The following DZIP1 variants were observed in gnomAD, a reference collection of about 807,000 sequenced individuals.
DZIP1 encodes DAZ interacting zinc finger protein 1.
In DZIP1, 97 loss-of-function variants were observed where a neutral mutation model predicts 107.6. The ratio of observed to expected loss-of-function variants is 0.90; its 90% CI spans 0.77 to 1.07. DZIP1 has a LOEUF of 1.07. Among genes scored for constraint, DZIP1 ranks in the 50% least tolerant of loss-of-function variants. The pLI, the probability that DZIP1 is intolerant of heterozygous loss-of-function variation, is 0.00. For synonymous variants in DZIP1, 390 were observed against 386.4 expected (o/e 1.01, Z -0.11); for missense variants, 1,035 against 1,063.6 (o/e 0.97, Z 0.37).
At chr13:95,627,929 A>G (rs1344236658) in intron 7 of DZIP1, among the ~76,000 whole-genome samples, 2 of 152,202 alleles carry the variant, frequency 1.3e-5, no homozygotes, top group African/African-American at 2.4e-5. Context: ...GTCTATGCAT[A>G]CCTACATACA....
intron 12 of DZIP1, among the ~76,000 whole-genome samples, chr13:95,610,009 T>A (rs2139095233): frequency 6.6e-6 from 1 of 152,050 alleles, no homozygotes; most frequent in African/African-American, 2.4e-5. Flanking sequence ...GTCTCTTTTT[T>A]TATTTCTTTT....
chr13:95,637,616 CT>C (rs1877965783), intron 5 of DZIP1, among the ~76,000 whole-genome samples: 3 of 113,584 alleles, frequency 2.6e-5, no homozygotes, highest in African/African-American at 1.1e-4. Flanking sequence ...CTCTCTCTCT[CT>C]CTCTCTCTCT....
rs758261012 is a variant in DZIP1, at chr13:95,586,145, T to A, written c.2219-9A>T. 7 of 1,580,230 alleles carry A rather than the reference T, an allele frequency of 4.4e-6. No homozygotes were observed. Among genetic ancestry groups the A allele is most frequent in the Non-Finnish European group, 6.0e-6 (7 of 1,169,408 alleles). On this transcript the variant is annotated splice_polypyrimidine_tract_variant and intron_variant, in intron 20 of 22. Transcript: ENST00000376829. ...TGTTTTAACGGCGACTCCTATAAGATCAATAAAAATTAGGCAAGTTAAGTA... is the reference window on the plus strand; with the variant it reads ...TGTTTTAACGGCGACTCCTATAAGAACAATAAAAATTAGGCAAGTTAAGTA...
At chr13:95,627,819 T>A (rs914372343) in intron 7 of DZIP1, among the ~76,000 whole-genome samples, 2 of 152,182 alleles carry the variant, frequency 1.3e-5, no homozygotes, top group African/African-American at 4.8e-5. Context: ...TATGTCCACA[T>A]AGAAACTGCC....
At chr13:95,617,206 CA>C (rs112542338) in intron 10 of DZIP1, among the ~76,000 whole-genome samples, 9 of 146,668 alleles carry the variant, frequency 6.1e-5, no homozygotes, top group Admixed American at 2.0e-4. Context: ...TGTCTCACCC[CA>C]AAAAAAAAAG....
intron 15 of DZIP1, among the ~76,000 whole-genome samples, chr13:95,595,924 C>T (rs948712905): frequency 6.6e-6 from 1 of 152,144 alleles, no homozygotes; most frequent in African/African-American, 2.4e-5. Context: ...AATTCATTTG[C>T]TGATGTGTCT....
intron 19 of DZIP1, among the ~76,000 whole-genome samples, 195 bp downstream of exon 19, chr13:95,588,959 G>A (rs2044238051): frequency 6.6e-6 from 1 of 152,120 alleles, no homozygotes; most frequent in African/African-American, 2.4e-5. Flanking sequence ...ATGTGGTTAA[G>A]GGCTATTGAC....
At chr13:95,610,577 G>T (rs1231821476) in intron 12 of DZIP1, among the ~76,000 whole-genome samples, 1 of 152,066 alleles carries the variant, frequency 6.6e-6, no homozygotes, top group African/African-American at 2.4e-5. Context: ...CAAAATGCGG[G>T]CATTACAAAT....
chr13:95,642,122 C>G lies in DZIP1; in HGVS notation c.-93G>C. 2 of 1,414,944 alleles carry G rather than the reference C, an allele frequency of 1.4e-6. No homozygotes were observed. The highest frequency in any genetic ancestry group is 2.6e-4 in the Middle Eastern group (1 of 3,778). The allele number at this position is 1,414,944 out of a possible 1,614,324, so 87.6% of individuals were successfully genotyped here. A position where few individuals can be genotyped will look rare whatever the true frequency, so the allele number is the denominator to read the frequency against. ...GAGCGGGAGAAGGCCGGGTTCCTCG[C>G]TTCCGCGGCGGCGGCGGCCTAAGGT... is the stretch of plus-strand genomic sequence containing the variant. On this transcript the variant is annotated 5_prime_UTR_variant, in exon 4 of 23. Transcript: ENST00000376829.
chr13:95,620,850 C>T (rs1420294630), intron 9 of DZIP1, among the ~76,000 whole-genome samples: 1 of 152,176 alleles, frequency 6.6e-6, no homozygotes, highest in Non-Finnish European at 1.5e-5. Flanking sequence ...AGAGCCACAT[C>T]CTTCAGTTCA....
chr13:95,585,946 C>T (rs1002947317), intron 21 of DZIP1, 60 bp downstream of exon 21: 2 of 1,506,302 alleles, frequency 1.3e-6, no homozygotes, highest in South Asian at 1.3e-5. Context: ...AAAAGTGTGA[C>T]CATTAAGGTG....
chr13:95,620,788 C>T (rs1310620935), intron 9 of DZIP1, among the ~76,000 whole-genome samples: 2 of 152,202 alleles, frequency 1.3e-5, no homozygotes, highest in Non-Finnish European at 2.9e-5. Flanking sequence ...GAACTGACAA[C>T]ACAACTCACA....
rs1450644688 is a variant in DZIP1, at chr13:95,641,772, C to A, written c.120G>T (p.Ala40=). ...TGGGGGGCGCACAGGCCATGGAGGCCGCACCCGCGGCGGCGGCGGCCACAG... is the reference window on the plus strand; with the variant it reads ...TGGGGGGCGCACAGGCCATGGAGGCAGCACCCGCGGCGGCGGCGGCCACAG... ...DVAVAAAAAG[A]ASMACAPPSA... is the part of the protein sequence containing the mutation. Residue 40 remains alanine (A), a synonymous_variant, in exon 5 of 23, where the codon GCG becomes GCT. Coordinates refer to ENST00000376829, the MANE Select transcript of DZIP1 (RefSeq NM_198968.4). This position sits in a 1 kb window ranked among gnomAD's most constrained non-coding sequence, Gnocchi z 4.3. 3.0e-5 allele frequency: 46 copies of A among 1,554,740 alleles called. No homozygotes were observed. Among genetic ancestry groups the A allele is most frequent in the Non-Finnish European group, 3.7e-5 (43 of 1,162,372 alleles).
chr13:95,583,262 T>TAAAA (rs11295025), intron 22 of DZIP1, among the ~76,000 whole-genome samples: 1 of 142,336 alleles, frequency 7.0e-6, no homozygotes, highest in Admixed American at 7.0e-5. Flanking sequence ...CCCCATCTCT[T>TAAAA]AAAAAAAAAA....
Position 95,611,941 on chromosome 13 carries a change from T to C in DZIP1, c.1314+96A>G, listed in dbSNP as rs796272108. The C allele has an allele frequency of 1.0e-5, 15 of 1,484,090 alleles. No individual in the cohort carries two copies. In the South Asian group the frequency reaches 2.0e-4, roughly 20 times the overall value. 91.9% of individuals were successfully genotyped at this position (1,484,090 alleles called of 1,614,324 possible). A position where few individuals can be genotyped will look rare whatever the true frequency, so the allele number is the denominator to read the frequency against. ...GGAAAAATATTCCATCTTCCTCACC[T>C]TATACCACTTACAAATGCTCTAAAG... On this transcript the variant is annotated intron_variant, in intron 11 of 22. Coordinates refer to ENST00000376829, the MANE Select transcript of DZIP1 (RefSeq NM_198968.4).
chr13:95,590,448 G>T lies in DZIP1; in HGVS notation c.1681-7C>A, dbSNP rs756198095. On this transcript the variant is annotated splice_region_variant and splice_polypyrimidine_tract_variant and intron_variant, in intron 16 of 22. Transcript: ENST00000376829. ...TTGAAATGCCACGTATATCCTGAAA[G>T]AATAAGATGTTAAGTTGGCCAGTTA... The T allele has an allele frequency of 6.3e-7, 1 of 1,594,344 alleles. No homozygotes were observed. The highest frequency in any genetic ancestry group is 8.5e-7 in the Non-Finnish European group (1 of 1,172,486).
At chr13:95,635,198 CTTTTTTT>C (rs141715380) in intron 5 of DZIP1, among the ~76,000 whole-genome samples, 1 of 133,376 alleles carries the variant, frequency 7.5e-6, no homozygotes, top group African/African-American at 2.8e-5. Context: ...TGCATATTTC[CTTTTTTT>C]TTTTTTTTTT....
At chr13:95,606,539 G>T (rs1301120632) in intron 13 of DZIP1, among the ~76,000 whole-genome samples, 1 of 152,154 alleles carries the variant, frequency 6.6e-6, no homozygotes, top group Non-Finnish European at 1.5e-5. Flanking sequence ...TGTTATCAAG[G>T]TTCATCCATG....
chr13:95,589,923 C>T lies in DZIP1; in HGVS notation c.1853G>A (p.Ser618Asn). The T allele has an allele frequency of 6.2e-7, 1 of 1,613,706 alleles. No homozygotes were observed. Among genetic ancestry groups the T allele is most frequent in the South Asian group, 1.1e-5 (1 of 90,968 alleles). The change falls in exon 18 of 23, where the codon AGT (serine) becomes AAT (asparagine). Residue 618 changes from serine (S) to asparagine (N), a missense_variant. By Grantham distance (46) the Ser-to-Asn change is conservative. Transcript: ENST00000376829. ...TGAAAGGGTATCCATTTGAGAAACA[C>T]TGCACTGATCTGGAATATAGTGTCA... is the stretch of plus-strand genomic sequence containing the variant. ...EKALLSSDQC[S>N]VSQMDTLSTG...
Sources: gnomAD v4.1 joint callset for allele counts (sites outside exome capture counted in the v4.1 genomes callset) on GRCh38, gnomAD v4.1.1 for gene constraint, Gnocchi (gnomAD v3.1) non-coding constraint, MANE v1.5 for transcripts, NCBI Gene and HGNC (gene_info 2026-07-23, HGNC 2026-07-21) for gene names.